INSC: variants seen among roughly 807,000 people sequenced by gnomAD.
INSC encodes the protein INSC spindle orientation adaptor protein, also known as protein inscuteable homolog.
Under a neutral mutation model 58.6 loss-of-function variants are expected in INSC, and 67 were observed. That is an observed-to-expected ratio of 1.14 (90% CI 0.94 to 1.40). INSC has a LOEUF of 1.40. INSC is among the 40% of genes most tolerant of loss of function. INSC has a pLI of 0.00. For synonymous variants in INSC, 262 were observed against 276.1 expected (o/e 0.95, Z 0.51); for missense variants, 714 against 692.0 (o/e 1.03, Z -0.36).
At chr11:15,268,137 T>C in the INSC span, among the ~76,000 whole-genome samples, 7 of 152,146 alleles carry the variant, frequency 4.6e-5, no homozygotes, top group South Asian at 1.4e-3. Flanking sequence ...GTTTTCTCTT[T>C]CTGAGAGAAT....
upstream of INSC, among the ~76,000 whole-genome samples, chr11:15,113,019 T>C (rs758840238): frequency 1.8e-4 from 28 of 152,132 alleles, no homozygotes; most frequent in Non-Finnish European, 3.7e-4. Context: ...CAGGTTTCTT[T>C]GAGGAAGAAT....
intron 1 of INSC, among the ~76,000 whole-genome samples, chr11:15,122,844 G>A (rs1341938561): frequency 3.3e-5 from 5 of 152,122 alleles, no homozygotes; most frequent in Non-Finnish European, 7.4e-5. Context: ...AGCAGCCAGA[G>A]CGCATTTCAA....
At chr11:15,186,189 A>G (rs1849959745) in intron 5 of INSC, among the ~76,000 whole-genome samples, 1 of 152,158 alleles carries the variant, frequency 6.6e-6, no homozygotes, top group Non-Finnish European at 1.5e-5. Context: ...GGCTTCTCAG[A>G]ATAGCATCTT....
At chr11:15,195,146 C>T (rs1108010) in intron 6 of INSC, among the ~76,000 whole-genome samples, 42,271 of 152,004 alleles carry the variant, frequency 0.28, 6,393 homozygotes, top group Non-Finnish European at 0.34. Flanking sequence ...GTGACTCAAA[C>T]ATTTAACTTG....
the INSC span, among the ~76,000 whole-genome samples, chr11:15,261,120 G>C: frequency 1.3e-5 from 2 of 152,198 alleles, no homozygotes; most frequent in Non-Finnish European, 1.5e-5. Context: ...CCAAGAGACT[G>C]AGAACTTGGC....
intron 2 of INSC, among the ~76,000 whole-genome samples, chr11:15,172,547 G>A (rs909793068): frequency 6.6e-6 from 1 of 152,202 alleles, no homozygotes; most frequent in African/African-American, 2.4e-5. Flanking sequence ...CCCCACTGAA[G>A]GATGCAGAGG....
intron 2 of INSC, among the ~76,000 whole-genome samples, chr11:15,151,287 G>A (rs1848641955): frequency 1.3e-5 from 2 of 152,152 alleles, no homozygotes; most frequent in Non-Finnish European, 2.9e-5. Context: ...TTATGGGAAT[G>A]TAATACCCAC....
upstream of INSC, among the ~76,000 whole-genome samples, chr11:15,113,143 T>TTCTTTCTTTCTC: frequency 3.7e-3 from 364 of 98,674 alleles, 7 homozygotes; most frequent in African/African-American, 0.012. Context: ...CTTTCTTTCT[T>TTCTTTCTTTCTC]TCTGTCTCTC....
intron 7 of INSC, 60 bp downstream of exon 7, chr11:15,201,009 G>A: frequency 6.5e-7 from 1 of 1,540,798 alleles, no homozygotes; most frequent in Non-Finnish European, 8.8e-7. Flanking sequence ...GTGAGGTCCA[G>A]GCCTCATGAT....
chr11:15,221,077 G>T (rs1172321887), intron 7 of INSC, among the ~76,000 whole-genome samples: 1 of 152,188 alleles, frequency 6.6e-6, no homozygotes, highest in Non-Finnish European at 1.5e-5. Flanking sequence ...TCTCAGAGAG[G>T]GTAAGTGACT....
chr11:15,135,676 G>A (rs1848228545), intron 1 of INSC, among the ~76,000 whole-genome samples: 1 of 152,148 alleles, frequency 6.6e-6, no homozygotes, highest in Non-Finnish European at 1.5e-5. Flanking sequence ...TTTCTTCTGG[G>A]TCAATTTTAC....
intron 6 of INSC, among the ~76,000 whole-genome samples, chr11:15,195,785 C>T (rs1850349009): frequency 6.6e-6 from 1 of 152,218 alleles, no homozygotes. Flanking sequence ...GCCACTAGCT[C>T]ACTGGAGGAG....
chr11:15,127,663 C>T (rs1848028724), intron 1 of INSC, among the ~76,000 whole-genome samples: 1 of 152,194 alleles, frequency 6.6e-6, no homozygotes, highest in African/African-American at 2.4e-5. Flanking sequence ...CCATGTTCCT[C>T]AGAGAATATC....
At chr11:15,260,173 TG>T in the INSC span, among the ~76,000 whole-genome samples, 1 of 151,310 alleles carries the variant, frequency 6.6e-6, no homozygotes, top group African/African-American at 2.5e-5. Context: ...CTCTGTTTTT[TG>T]TTTTTTTTGT....
chr11:15,231,170 C>T (rs1418601659), intron 9 of INSC, among the ~76,000 whole-genome samples: 1 of 152,200 alleles, frequency 6.6e-6, no homozygotes, highest in Non-Finnish European at 1.5e-5. Context: ...CAAAGAGATC[C>T]ACCTTTCTTC....
chr11:15,184,394 C>A (rs1316690592), intron 5 of INSC: 2 of 197,588 alleles, frequency 1.0e-5, no homozygotes, highest in African/African-American at 2.4e-5. Context: ...AGAAATATTT[C>A]TTTTCTTTTT....
At chr11:15,113,418 C>G (rs569992776), upstream of INSC, among the ~76,000 whole-genome samples, 4 of 152,252 alleles carry the variant, frequency 2.6e-5, no homozygotes, top group South Asian at 8.3e-4. Context: ...CTTGGCCTCC[C>G]AAAGAGCTGG....
At chr11:15,119,227 T>G (rs1168460313) in intron 1 of INSC, among the ~76,000 whole-genome samples, 2 of 152,206 alleles carry the variant, frequency 1.3e-5, no homozygotes, top group Non-Finnish European at 2.9e-5. Flanking sequence ...TGTTGCTGTG[T>G]GAGAAGCAGG....
At chr11:15,238,838 C>T (rs1449623148) in intron 10 of INSC, 81 bp from the exon 11 acceptor site, 28 of 1,462,822 alleles carry the variant, frequency 1.9e-5, no homozygotes, top group Non-Finnish European at 2.2e-5. Context: ...TGCTTGCACC[C>T]TGCAGCCATC....
Sources: gnomAD v4.1 joint callset for allele counts (sites outside exome capture counted in the v4.1 genomes callset) on GRCh38, gnomAD v4.1.1 for gene constraint, MANE v1.5 for transcripts, NCBI Gene and HGNC (gene_info 2026-07-23, HGNC 2026-07-21) for gene names.